The following CADM1 variants were observed in gnomAD, a reference collection of about 807,000 sequenced individuals.
The protein encoded by CADM1 is cell adhesion molecule 1.
In CADM1, 15 loss-of-function variants were observed where a neutral mutation model predicts 53.1. That is an observed-to-expected ratio of 0.28 (90% confidence interval 0.19 to 0.44). The LOEUF (loss-of-function observed/expected upper bound fraction) is 0.44. CADM1 is among the 20% of genes least tolerant of loss of function. CADM1 has a pLI of 1.00. For missense variants in CADM1, 434 were observed against 611.3 expected (o/e 0.71, Z 3.06); for synonymous variants, 281 against 243.0 (o/e 1.16, Z -1.45).
At chr11:115,271,181 T>C (rs1943285884) in intron 1 of CADM1, among the ~76,000 whole-genome samples, 1 of 152,202 alleles carries the variant, frequency 6.6e-6, no homozygotes, top group South Asian at 2.1e-4. Flanking sequence ...TAGAAATGGA[T>C]GCCCTCTCAG....
Position 115,176,148 on chromosome 11 carries a change from A to C in CADM1, c.*326T>G. On this transcript the variant is annotated 3_prime_UTR_variant, in exon 12 of 12. Coordinates refer to ENST00000331581, the MANE Select transcript of CADM1 (RefSeq NM_001301043.2). ...TAAATGTGCACAAAGGGGGAAAAGA[A>C]AGGAACGCAACAAACAAACAAAAAA... 1 of 1,164,388 alleles carries C rather than the reference A, an allele frequency of 8.6e-7. No homozygotes were observed. Among genetic ancestry groups the C allele is most frequent in the Non-Finnish European group, 1.1e-6 (1 of 931,788 alleles). The allele number at this position is 1,164,388 out of a possible 1,614,324, so 72.1% of individuals were successfully genotyped here.
At chr11:115,228,131 G>A (rs1437575691) in intron 5 of CADM1, among the ~76,000 whole-genome samples, 1 of 152,206 alleles carries the variant, frequency 6.6e-6, no homozygotes, top group Non-Finnish European at 1.5e-5. Flanking sequence ...ACAAGTTAAG[G>A]CGCTCCTGGG....
chr11:115,400,695 A>G (rs1947130835), intron 1 of CADM1, among the ~76,000 whole-genome samples: 1 of 105,004 alleles, frequency 9.5e-6, no homozygotes, highest in Non-Finnish European at 2.0e-5. Context: ...ATATATATAT[A>G]TATATATATA....
chr11:115,331,960 A>G (rs779789521), intron 1 of CADM1, among the ~76,000 whole-genome samples: 1 of 151,696 alleles, frequency 6.6e-6, no homozygotes, highest in African/African-American at 2.4e-5. Context: ...TTTATTCTAC[A>G]TACATTTATT....
intron 1 of CADM1, among the ~76,000 whole-genome samples, chr11:115,258,781 C>A (rs1443171900): frequency 6.6e-6 from 1 of 152,186 alleles, no homozygotes; most frequent in Non-Finnish European, 1.5e-5. Flanking sequence ...GGAGATGTAG[C>A]AGTTCACATA....
At chr11:115,493,449 A>G (rs1949543882) in intron 1 of CADM1, among the ~76,000 whole-genome samples, 1 of 152,156 alleles carries the variant, frequency 6.6e-6, no homozygotes, top group Admixed American at 6.5e-5. Flanking sequence ...CCATTAAGTA[A>G]AGGGCCATTA....
intron 1 of CADM1, among the ~76,000 whole-genome samples, chr11:115,427,641 A>G (rs1240957969): frequency 3.9e-5 from 6 of 152,182 alleles, no homozygotes; most frequent in Non-Finnish European, 8.8e-5. Flanking sequence ...ACATTTTGTA[A>G]AGGGGAATAT....
intron 1 of CADM1, among the ~76,000 whole-genome samples, chr11:115,405,999 T>C (rs1164827492): frequency 1.3e-5 from 2 of 152,186 alleles, no homozygotes; most frequent in African/African-American, 2.4e-5. Context: ...ATATGTGAAA[T>C]ATACAACTTC....
chr11:115,425,936 A>C (rs546230532), intron 1 of CADM1, among the ~76,000 whole-genome samples: 1 of 152,310 alleles, frequency 6.6e-6, no homozygotes, highest in African/African-American at 2.4e-5. Context: ...AAACCCTTTA[A>C]CTAGGCGCAT....
Position 115,231,348 on chromosome 11 carries a change from C to T in CADM1, c.562+5G>A, listed in dbSNP as rs1275043700. 6.2e-7 allele frequency: 1 copy of T among 1,614,110 alleles called. No homozygotes were observed. Among genetic ancestry groups the T allele is most frequent in the Non-Finnish European group, 8.5e-7 (1 of 1,179,952 alleles). On this transcript the variant is annotated splice_donor_5th_base_variant and intron_variant, in intron 4 of 11. Transcript: ENST00000331581. ...TACTTCAGTGTGTGGCAATCTGCAG[C>T]TTACCTTTTAGCTCTGTGTTCCCTT...
chr11:115,226,825 A>G (rs143880814), intron 5 of CADM1, among the ~76,000 whole-genome samples: 228 of 152,288 alleles, frequency 1.5e-3, no homozygotes, highest in African/African-American at 5.3e-3. Context: ...GCTGGTAGGA[A>G]ATGATGTAGA....
chr11:115,181,763 G>A (rs1939322647), intron 10 of CADM1, among the ~76,000 whole-genome samples: 1 of 152,138 alleles, frequency 6.6e-6, no homozygotes, highest in African/African-American at 2.4e-5. Flanking sequence ...TTCCACGTGT[G>A]GGGAGGGTGG....
chr11:115,484,637 T>G (rs766349535), intron 1 of CADM1, among the ~76,000 whole-genome samples: 3 of 152,060 alleles, frequency 2.0e-5, no homozygotes, highest in Non-Finnish European at 4.4e-5. Context: ...TATGCTACAG[T>G]GAGAAATGGA....
intron 9 of CADM1, 37 bp downstream of exon 9, chr11:115,198,369 T>A (rs1476302385): frequency 6.4e-7 from 1 of 1,556,556 alleles, no homozygotes; most frequent in Non-Finnish European, 8.7e-7. Context: ...CTCTCAGCAG[T>A]GCTGAGAAAG....
intron 1 of CADM1, among the ~76,000 whole-genome samples, chr11:115,261,993 A>G (rs1942988608): frequency 6.6e-6 from 1 of 152,024 alleles, no homozygotes; most frequent in Non-Finnish European, 1.5e-5. Flanking sequence ...GTTAGCCAGG[A>G]TGGTCTCGAT....
At position 115,372,587 on chromosome 11, in the gene CADM1, T is replaced by C. The variant is rs1045738559; in HGVS notation, c.124+131684A>G. ...CAAATTTAACATAAAACAAAGCTAA[T>C]ATTAAATGAATGTAAAAGATTATCA... On this transcript the variant is annotated intron_variant, in intron 1 of 11. Transcript: ENST00000331581. Among the ~76,000 whole-genome samples the C allele has an allele frequency of 1.6e-4, 25 of 152,198 alleles. 1 individual carries two copies. The highest frequency in any genetic ancestry group is 1.2e-3 in the Admixed American group (19 of 15,280).
chr11:115,445,786 A>G, intron 1 of CADM1: 1 of 453,556 alleles, frequency 2.2e-6, no homozygotes, highest in Non-Finnish European at 4.4e-6. Context: ...CCGAGGCTGC[A>G]GTGAGCCGAG....
intron 1 of CADM1, chr11:115,333,637 G>A (rs1035853333): frequency 2.6e-5 from 4 of 152,216 alleles, no homozygotes; most frequent in East Asian, 1.9e-4. Flanking sequence ...TTATTTTCAC[G>A]TTGGTATATA....
chr11:115,232,263 G>A (rs1941846803), intron 3 of CADM1, among the ~76,000 whole-genome samples: 1 of 152,124 alleles, frequency 6.6e-6, no homozygotes, highest in East Asian at 1.9e-4. Flanking sequence ...AAATCTTTGA[G>A]TCCCTTAAAA....
Sources: gnomAD v4.1 joint callset for allele counts (sites outside exome capture counted in the v4.1 genomes callset) on GRCh38, gnomAD v4.1.1 for gene constraint, MANE v1.5 for transcripts, NCBI Gene and HGNC (gene_info 2026-07-23, HGNC 2026-07-21) for gene names.